CFAP299: variants seen among roughly 807,000 people sequenced by gnomAD.
The protein encoded by CFAP299 is cilia and flagella associated protein 299.
Under a neutral mutation model 27.0 loss-of-function variants are expected in CFAP299, and 21 were observed. The ratio of observed to expected loss-of-function variants is 0.78; its 90% confidence interval spans 0.55 to 1.12. The LOEUF is 1.12. Among genes scored for constraint, CFAP299 ranks in the 50% most tolerant of loss-of-function variants. The pLI, the probability that CFAP299 is intolerant of heterozygous loss-of-function variation, is 0.00. For synonymous variants in CFAP299, 104 were observed against 98.1 expected, an observed-to-expected ratio of 1.06 and a Z score of -0.36; for missense variants, 310 against 276.6, an observed-to-expected ratio of 1.12 and a Z score of -0.86.
chr4:80,327,127 T>C, the CFAP299 span, among the ~76,000 whole-genome samples: 1 of 152,078 alleles, frequency 6.6e-6, no homozygotes, highest in Non-Finnish European at 1.5e-5. Flanking sequence ...AAAGATGTAA[T>C]GAGGATTGAC....
intron 3 of CFAP299, among the ~76,000 whole-genome samples, chr4:80,838,018 C>T (rs930260028): frequency 6.6e-6 from 1 of 152,106 alleles, no homozygotes; most frequent in Non-Finnish European, 1.5e-5. Context: ...TATCTAATGA[C>T]CAGTGATGAT....
intron 2 of CFAP299, among the ~76,000 whole-genome samples, chr4:80,443,445 A>G (rs1728464397): frequency 6.6e-6 from 1 of 152,220 alleles, no homozygotes; most frequent in South Asian, 2.1e-4. Flanking sequence ...GATTATCTCA[A>G]TAGTTGCAGA....
chr4:80,791,527 AAATT>A (rs1017678970), intron 3 of CFAP299, among the ~76,000 whole-genome samples: 5 of 152,080 alleles, frequency 3.3e-5, no homozygotes, highest in South Asian at 2.1e-4. Context: ...ACATTTTAAG[AAATT>A]AATTATTTCA....
chr4:80,459,668 GAA>G (rs943690320), intron 2 of CFAP299, among the ~76,000 whole-genome samples: 1 of 151,598 alleles, frequency 6.6e-6, no homozygotes, highest in African/African-American at 2.4e-5. Flanking sequence ...ACTTAATGAA[GAA>G]AAAAAACAGA....
At chr4:80,688,267 C>A (rs531919767) in intron 3 of CFAP299, among the ~76,000 whole-genome samples, 80 of 152,334 alleles carry the variant, frequency 5.3e-4, no homozygotes, top group Non-Finnish European at 1.1e-3. Flanking sequence ...ACAGCAGTAA[C>A]CTCTGCAGAC....
chr4:80,882,104 A>T (rs1219606063), intron 4 of CFAP299, among the ~76,000 whole-genome samples: 9 of 152,206 alleles, frequency 5.9e-5, no homozygotes, highest in Admixed American at 5.9e-4. Flanking sequence ...TAAGAAACTT[A>T]TGCAGCTCTG....
At chr4:80,450,118 T>C (rs990401030) in intron 2 of CFAP299, among the ~76,000 whole-genome samples, 10 of 152,144 alleles carry the variant, frequency 6.6e-5, no homozygotes, top group Non-Finnish European at 1.5e-4. Context: ...CAGTGTTAAA[T>C]TGACTGAAAA....
intron 2 of CFAP299, among the ~76,000 whole-genome samples, chr4:80,556,925 A>G (rs1734812145): frequency 6.6e-6 from 1 of 152,072 alleles, no homozygotes; most frequent in African/African-American, 2.4e-5. Flanking sequence ...TCTTAATATT[A>G]CATAAACATT....
chr4:80,801,108 A>G (rs1040753729), intron 3 of CFAP299, among the ~76,000 whole-genome samples: 1 of 151,556 alleles, frequency 6.6e-6, no homozygotes, highest in Non-Finnish European at 1.5e-5. Flanking sequence ...CAACACCCTC[A>G]CAGACACACC....
chr4:80,796,701 G>A (rs1312890193), intron 3 of CFAP299, among the ~76,000 whole-genome samples: 8 of 152,134 alleles, frequency 5.3e-5, no homozygotes, highest in African/African-American at 1.9e-4. Context: ...AAATGGGAGA[G>A]TGAATGGGGA....
At chr4:80,375,995 G>A (rs1724389008) in intron 2 of CFAP299, among the ~76,000 whole-genome samples, 1 of 152,184 alleles carries the variant, frequency 6.6e-6, no homozygotes, top group Admixed American at 6.5e-5. Flanking sequence ...AATTCAATGA[G>A]TTCTGACAAA....
intron 2 of CFAP299, among the ~76,000 whole-genome samples, chr4:80,492,446 A>C (rs953380800): frequency 1.3e-5 from 2 of 152,228 alleles, no homozygotes; most frequent in Non-Finnish European, 2.9e-5. Context: ...ATGGCTCATC[A>C]TGATAAGCTA....
At chr4:80,507,233 T>C (rs1716486763) in intron 2 of CFAP299, among the ~76,000 whole-genome samples, 1 of 152,114 alleles carries the variant, frequency 6.6e-6, no homozygotes. Flanking sequence ...CAATTCATCA[T>C]ATTGCCAGAG....
intron 3 of CFAP299, among the ~76,000 whole-genome samples, chr4:80,799,630 ATAATATATAAAATATATAT>A (rs1728181649): frequency 2.2e-5 from 1 of 44,670 alleles, no homozygotes; most frequent in African/African-American, 9.7e-5. Flanking sequence ...TTATAAATAT[ATAATATATAAAATATATAT>A]TTTATATATT....
chr4:80,624,215 C>G (rs1429418833), intron 3 of CFAP299, among the ~76,000 whole-genome samples: 1 of 151,700 alleles, frequency 6.6e-6, no homozygotes, highest in Non-Finnish European at 1.5e-5. Flanking sequence ...GGAAGCTCAG[C>G]AAACTTCAAC....
At chr4:80,373,946 C>T (rs554647877) in intron 2 of CFAP299, among the ~76,000 whole-genome samples, 4 of 152,246 alleles carry the variant, frequency 2.6e-5, no homozygotes, top group East Asian at 1.9e-4. Context: ...CATGATCTTC[C>T]GGTGAGTTTT....
intron 3 of CFAP299, among the ~76,000 whole-genome samples, chr4:80,711,484 G>A (rs946964782): frequency 1.1e-4 from 17 of 152,166 alleles, no homozygotes; most frequent in African/African-American, 4.1e-4. Context: ...CCTCCCCTCG[G>A]ACCTCAGTAT....
chr4:80,654,107 C>T (rs114037023), intron 3 of CFAP299, among the ~76,000 whole-genome samples: 148 of 152,226 alleles, frequency 9.7e-4, no homozygotes, highest in African/African-American at 3.3e-3. Flanking sequence ...AGCTCCATGA[C>T]ATTGCGGTAC....
At chr4:80,882,487 A>T (rs1159875413) in intron 4 of CFAP299, among the ~76,000 whole-genome samples, 1 of 151,946 alleles carries the variant, frequency 6.6e-6, no homozygotes, top group Non-Finnish European at 1.5e-5. Flanking sequence ...AAGTACAAAA[A>T]ATTAGCCGGG....
Sources: allele counts gnomAD v4.1 joint callset (sites outside exome capture counted in the v4.1 genomes callset), GRCh38; gene constraint gnomAD v4.1.1; transcripts MANE v1.5; gene names NCBI Gene and HGNC (gene_info 2026-07-23, HGNC 2026-07-21).